The following ADCY3 variants were observed in gnomAD, a reference collection of about 807,000 sequenced individuals.
The protein encoded by ADCY3 is adenylate cyclase type 3.
A neutral mutation model predicts 119.4 loss-of-function variants in ADCY3; 70 were observed. That is an observed-to-expected ratio of 0.59 (90% CI 0.48 to 0.72). ADCY3 has a LOEUF of 0.72. ADCY3 is among the 30% of genes least tolerant of loss of function. The pLI is 0.00. For synonymous variants in ADCY3, 672 were observed against 621.4 expected (o/e 1.08, Z -1.21); for missense variants, 1,238 against 1,541.6 (o/e 0.80, Z 3.30).
In ADCY3 at chr2:24,841,664, G is replaced by A. The variant is rs1244562766; in HGVS notation, c.960C>T (p.Ile320=). The A allele has an allele frequency of 5.0e-6, 8 of 1,613,084 alleles. No homozygotes were observed. Among genetic ancestry groups the A allele is most frequent in the Non-Finnish European group, 6.8e-6 (8 of 1,179,620 alleles). ...TAAAGCCCACGATGTCGGCAAAGAG[G>A]ATGCTGCATGAGGAAGGAACCGTGG... ...MYMYRHENVS[I]LFADIVGFTQ... Residue 320 remains isoleucine, a synonymous_variant, in exon 5 of 22, where the codon ATC becomes ATT. Transcript: ENST00000679454. This position sits in a 1 kb window ranked among gnomAD's most constrained non-coding sequence, Gnocchi z 5.8.
intron 3 of ADCY3, among the ~76,000 whole-genome samples, chr2:24,857,005 T>A (rs1012758543): frequency 6.6e-6 from 1 of 152,098 alleles, no homozygotes; most frequent in African/African-American, 2.4e-5. Flanking sequence ...AGTCCCCAGA[T>A]CAACAGGCCC....
chr2:24,851,082 G>T (rs892643381), intron 3 of ADCY3, among the ~76,000 whole-genome samples: 3 of 152,148 alleles, frequency 2.0e-5, no homozygotes, highest in Middle Eastern at 6.3e-3. Flanking sequence ...GGAACTTCCT[G>T]TTGCCTCCAG....
Position 24,823,347 on chromosome 2 carries a change from A to G in ADCY3, c.2745T>C (p.Tyr915=), listed in dbSNP as rs1212194868. The part of the protein sequence containing the change: ...LGSKKRDEEL[Y]SQTYDEIGVM... ...CTCCAATCTCATCATACGTCTGGCT[A>G]TACAGCTCCTAAAAAGAGGTGCGGA... Residue 915 remains tyrosine (Y), a synonymous_variant, in exon 18 of 22, where the codon TAT becomes TAC. Coordinates refer to ENST00000679454, the MANE Select transcript of ADCY3 (RefSeq NM_004036.5). The G allele has an allele frequency of 5.6e-6, 9 of 1,612,130 alleles. No homozygotes were observed. The Middle Eastern group carries it at 5.1e-4, about 92-fold the overall frequency.
chr2:24,904,589 CAT>C (rs1679262226), intron 2 of ADCY3, among the ~76,000 whole-genome samples: 1 of 152,100 alleles, frequency 6.6e-6, no homozygotes, highest in Non-Finnish European at 1.5e-5. Flanking sequence ...ATGTGGAAAG[CAT>C]ATTCTCTCCG....
At chr2:24,881,719 T>G (rs1346427873) in intron 2 of ADCY3, among the ~76,000 whole-genome samples, 1 of 152,208 alleles carries the variant, frequency 6.6e-6, no homozygotes, top group African/African-American at 2.4e-5. Context: ...TCCACTGAAG[T>G]GTTCCCCCTT....
rs1480123921 is a variant in ADCY3 at position 24,838,592 on chromosome 2, G to T, written c.1386C>A (p.Asp462Glu). 1.9e-6 allele frequency: 3 copies of T among 1,614,012 alleles called. No individual in the cohort carries two copies. Among genetic ancestry groups the T allele is most frequent in the Admixed American group, 1.7e-5 (1 of 60,014 alleles). Residue 462 changes from aspartate to glutamate, a missense_variant, in exon 8 of 22, where the codon GAC (aspartate) becomes GAA (glutamate). Transcript: ENST00000679454. ...CCACATCAAACTCCCCTTTCAGGCA[G>T]TCCATGGTGCTCTGGGAGATGTGCA... ...GRVHISQSTM[D>E]CLKGEFDVEP...
chr2:24,827,534 C>T lies in ADCY3; in HGVS notation c.2495+12G>A, dbSNP rs751226954. On this transcript the variant is annotated intron_variant, in intron 15 of 21. Transcript: ENST00000679454. ...GTGAGTGCAGGCCAGGAGGGGAAGC[C>T]GTGGCCCTTACCTGTCAGTGCCATT... 5.1e-5 allele frequency: 81 copies of T among 1,577,862 alleles called. No individual in the cohort carries two copies. The highest frequency in any genetic ancestry group is 3.3e-4 in the Middle Eastern group (2 of 6,046).
At chr2:24,888,999 ACT>A (rs1182351213) in intron 2 of ADCY3, among the ~76,000 whole-genome samples, 1 of 152,080 alleles carries the variant, frequency 6.6e-6, no homozygotes, top group Non-Finnish European at 1.5e-5. Context: ...ACAGAGCGAG[ACT>A]CTGTCTCAAA....
intron 2 of ADCY3, among the ~76,000 whole-genome samples, chr2:24,884,470 T>TC (rs1198037873): frequency 2.3e-3 from 307 of 131,822 alleles, no homozygotes; most frequent in Non-Finnish European, 3.5e-3. Context: ...TTTCTAATAA[T>TC]CTTTTTTTTT....
chr2:24,864,089 C>G (rs1004205982), intron 3 of ADCY3, among the ~76,000 whole-genome samples: 1 of 152,186 alleles, frequency 6.6e-6, no homozygotes, highest in African/African-American at 2.4e-5. Context: ...GAGTTCGAGA[C>G]TAGCCTGTCT....
intron 2 of ADCY3, among the ~76,000 whole-genome samples, chr2:24,909,317 G>C (rs534085894): frequency 6.6e-6 from 1 of 152,098 alleles, no homozygotes; most frequent in Non-Finnish European, 1.5e-5. Flanking sequence ...TCTGAAGCTT[G>C]TGCACCTGCA....
At chr2:24,884,264 C>T (rs6721413) in intron 2 of ADCY3, among the ~76,000 whole-genome samples, 14,761 of 151,976 alleles carry the variant, frequency 0.097, 2,348 homozygotes, top group African/African-American at 0.33. Context: ...ACAGAATCCC[C>T]GGCATCTGCA....
chr2:24,853,823 A>G (rs1404727312), intron 3 of ADCY3, among the ~76,000 whole-genome samples: 1 of 152,138 alleles, frequency 6.6e-6, no homozygotes, highest in Admixed American at 6.5e-5. Flanking sequence ...GGCACTGGGC[A>G]TTTCATCGCT....
Position 24,834,703 on chromosome 2 carries a change from G to C in ADCY3, c.1806-57C>G. 3 of 1,603,800 alleles carry C rather than the reference G, an allele frequency of 1.9e-6. No individual in the cohort carries two copies. Among genetic ancestry groups the C allele is most frequent in the South Asian group, 2.2e-5 (2 of 90,766 alleles). On this transcript the variant is annotated intron_variant, in intron 10 of 21. Coordinates refer to ENST00000679454, the MANE Select transcript of ADCY3 (RefSeq NM_004036.5). The surrounding 1 kb of genome is among the most constrained non-coding windows in gnomAD (Gnocchi z 4.2). ...ATGCCACATCTGCCTTGGCCTAGCA[G>C]GGGGGCCGTATTTGGGATGCTCAGT...
Position 24,821,601 on chromosome 2 carries a change from C to CAGCCAGGTG in ADCY3, c.3034_3042dup (p.His1012_Ala1014dup). ...ATGGCCAGCGCGAAGTCGGCCAGGTCAGCCAGGTGCTGCCAGCGCTCTCTC... is the reference window on the plus strand; with the variant it reads ...ATGGCCAGCGCGAAGTCGGCCAGGTCAGCCAGGTGAGCCAGGTGCTGCCAGCGCTCTCTC... On this transcript the variant is annotated inframe_insertion, in exon 20 of 22. Coordinates refer to ENST00000679454, the MANE Select transcript of ADCY3 (RefSeq NM_004036.5). 6.2e-7 allele frequency: 1 copy of CAGCCAGGTG among 1,614,168 alleles called. No individual in the cohort carries two copies. Among genetic ancestry groups the CAGCCAGGTG allele is most frequent in the Non-Finnish European group, 8.5e-7 (1 of 1,180,022 alleles).
intron 3 of ADCY3, among the ~76,000 whole-genome samples, chr2:24,863,467 C>T (rs1673923522): frequency 6.6e-6 from 1 of 152,180 alleles, no homozygotes; most frequent in Admixed American, 6.5e-5. Flanking sequence ...ACCTTGTGAT[C>T]ATGTGAGTCA....
chr2:24,862,364 G>C (rs1208977549), intron 3 of ADCY3, among the ~76,000 whole-genome samples: 4 of 152,170 alleles, frequency 2.6e-5, no homozygotes, highest in Admixed American at 2.6e-4. Context: ...GGCTAACACG[G>C]TGAAACCCCG....
Position 24,822,221 on chromosome 2 carries a change from A to G in ADCY3, c.3003+290T>C, listed in dbSNP as rs930824419. 6 of 268,932 alleles carry G rather than the reference A, an allele frequency of 2.2e-5. No homozygotes were observed. In the East Asian group the frequency reaches 4.3e-4, roughly 19 times the overall value. The allele number at this position is 268,932 out of a possible 1,614,324, so 16.7% of individuals were successfully genotyped here. A position where few individuals can be genotyped will look rare whatever the true frequency, so the allele number is the denominator to read the frequency against. On this transcript the variant is annotated intron_variant, in intron 19 of 21. Transcript: ENST00000679454. Reference sequence around the variant, plus strand: ...ATGCTTTCAGTTTCCCTTGTTGACAATTGCTCTCCAGTTCCTATGAAAGCA... The same window carrying G: ...ATGCTTTCAGTTTCCCTTGTTGACAGTTGCTCTCCAGTTCCTATGAAAGCA...
intron 3 of ADCY3, among the ~76,000 whole-genome samples, chr2:24,853,169 G>A (rs1221131881): frequency 1.3e-5 from 2 of 152,048 alleles, no homozygotes; most frequent in Non-Finnish European, 2.9e-5. Flanking sequence ...GAGGACTGGG[G>A]TATAAGGAAG....
Sources: allele counts gnomAD v4.1 joint callset (sites outside exome capture counted in the v4.1 genomes callset), GRCh38; gene constraint gnomAD v4.1.1; non-coding constraint Gnocchi (gnomAD v3.1); transcripts MANE v1.5; gene names NCBI Gene and HGNC (gene_info 2026-07-23, HGNC 2026-07-21).